PTPRZ1: variants seen among roughly 807,000 people sequenced by gnomAD.
PTPRZ1 encodes receptor-type tyrosine-protein phosphatase zeta.
A neutral mutation model predicts 214.1 loss-of-function variants in PTPRZ1; 82 were observed. The observed-to-expected ratio is 0.38, with a 90% confidence interval of 0.32 to 0.46. PTPRZ1 has a LOEUF of 0.46. Ranked by LOEUF, PTPRZ1 falls within the 20% of genes least tolerant of loss-of-function variation. PTPRZ1 has a pLI of 1.00. For missense variants in PTPRZ1, 2,603 were observed against 2,748.7 expected, an observed-to-expected ratio of 0.95 and a Z score of 1.19; for synonymous variants, 945 against 987.9, an observed-to-expected ratio of 0.96 and a Z score of 0.81.
intron 23 of PTPRZ1, among the ~76,000 whole-genome samples, chr7:122,050,849 C>G (rs1335844380): frequency 6.6e-6 from 1 of 152,068 alleles, no homozygotes; most frequent in South Asian, 2.1e-4. Context: ...AAAAATAAAA[C>G]ACTGAATAAC....
intron 11 of PTPRZ1, among the ~76,000 whole-genome samples, chr7:122,009,342 A>G (rs1273332386): frequency 6.6e-6 from 1 of 151,830 alleles, no homozygotes; most frequent in Non-Finnish European, 1.5e-5. Flanking sequence ...GTACTCAGTA[A>G]TTTTTTTCTT....
intron 10 of PTPRZ1, among the ~76,000 whole-genome samples, chr7:122,004,026 C>A (rs1798402919): frequency 6.6e-6 from 1 of 152,158 alleles, no homozygotes; most frequent in Non-Finnish European, 1.5e-5. Flanking sequence ...GACAGCAAGG[C>A]TGGAACCTGC....
intron 11 of PTPRZ1, among the ~76,000 whole-genome samples, chr7:122,006,998 G>A (rs1435524736): frequency 1.3e-5 from 2 of 152,010 alleles, no homozygotes; most frequent in Non-Finnish European, 2.9e-5. Flanking sequence ...ACCATCCTGT[G>A]GTGACCAGTT....
intron 1 of PTPRZ1, among the ~76,000 whole-genome samples, chr7:121,903,446 A>T (rs1795028012): frequency 6.6e-6 from 1 of 152,192 alleles, no homozygotes; most frequent in African/African-American, 2.4e-5. Context: ...AGATTTTTCC[A>T]CTTTGAATTG....
chr7:122,022,208 C>CA (rs1339268257), intron 13 of PTPRZ1, among the ~76,000 whole-genome samples: 1 of 152,118 alleles, frequency 6.6e-6, no homozygotes, highest in African/African-American at 2.4e-5. Flanking sequence ...TCATAAAACT[C>CA]ACCTTTTTAA....
intron 1 of PTPRZ1, among the ~76,000 whole-genome samples, chr7:121,881,250 A>C (rs1055940614): frequency 1.3e-5 from 2 of 152,222 alleles, no homozygotes; most frequent in African/African-American, 4.8e-5. Context: ...CCAGGAATCA[A>C]ATCTGCTGGC....
rs3736567 is a variant in PTPRZ1, at chr7:121,972,368, A to G, written c.305-173A>G. ...TAGTTTGCATTTGTGGCAATAAGAT[A>G]TAAGTATATTGTGCAGACCTACAAA... is the stretch of plus-strand genomic sequence containing the variant. On this transcript the variant is annotated intron_variant, in intron 3 of 29. Coordinates refer to ENST00000393386, the MANE Select transcript of PTPRZ1 (RefSeq NM_002851.3). Among the ~76,000 whole-genome samples, 5 of 152,278 alleles carry G rather than the reference A, an allele frequency of 3.3e-5. No homozygotes were observed. The East Asian group carries it at 7.7e-4, about 23-fold the overall frequency.
At chr7:122,060,012 A>C in intron 29 of PTPRZ1, 124 bp downstream of exon 29, 1 of 956,892 alleles carries the variant, frequency 1.0e-6, no homozygotes, top group Non-Finnish European at 1.5e-6. Context: ...TGTAGTTTTC[A>C]AGCTGAATTA....
chr7:121,980,009 G>T (rs1308085114), intron 6 of PTPRZ1, among the ~76,000 whole-genome samples: 3 of 151,590 alleles, frequency 2.0e-5, no homozygotes, highest in African/African-American at 7.3e-5. Flanking sequence ...CCACATTGGG[G>T]ATAGGGAGAG....
At chr7:121,969,068 T>C (rs773364401) in intron 3 of PTPRZ1, among the ~76,000 whole-genome samples, 1 of 149,932 alleles carries the variant, frequency 6.7e-6, no homozygotes, top group Non-Finnish European at 1.5e-5. Flanking sequence ...CAAAAACCCA[T>C]CTCTACTAAA....
intron 2 of PTPRZ1, among the ~76,000 whole-genome samples, chr7:121,932,076 A>T (rs1312090130): frequency 1.3e-5 from 2 of 152,152 alleles, no homozygotes; most frequent in Non-Finnish European, 2.9e-5. Flanking sequence ...ATATTTGAGG[A>T]TCCTAGGAAG....
At chr7:121,993,368 G>A (rs375038375) in intron 8 of PTPRZ1, among the ~76,000 whole-genome samples, 3 of 151,030 alleles carry the variant, frequency 2.0e-5, no homozygotes, top group Admixed American at 6.6e-5. Context: ...TGGCTAACAC[G>A]GTGACCATCC....
In PTPRZ1 at chr7:122,017,815, G is replaced by A. The variant is rs192357147; in HGVS notation, c.4844-1309G>A. On this transcript the variant is annotated intron_variant, in intron 12 of 29. Transcript: ENST00000393386. The stretch of plus-strand genomic sequence containing the variant: ...TTGAACTCCTGACCTCAAGTGATCC[G>A]CCTGCCTCAGCCTCTCAAAGTGCTG... Among the ~76,000 whole-genome samples the A allele has an allele frequency of 3.4e-4, 51 of 151,522 alleles. No homozygotes were observed. The East Asian group carries it at 8.8e-3, about 26-fold the overall frequency.
rs540152098 is a variant in PTPRZ1 at position 121,892,660 on chromosome 7, T to TA, written c.58+19104dup. 7.5e-4 allele frequency among the ~76,000 whole-genome samples: 106 copies of TA among 142,136 alleles called. No individual in the cohort carries two copies. In the East Asian group the frequency reaches 0.019, roughly 26 times the overall value. 93.2% of individuals were successfully genotyped at this position (142,136 alleles called of 152,430 possible). A position where few individuals can be genotyped will look rare whatever the true frequency, so the allele number is the denominator to read the frequency against. ...CAAAATCATTCTGCCTGATATATCT[T>TA]AGAGTTCTTCAAGCATCTCATATAT... On this transcript the variant is annotated intron_variant, in intron 1 of 29. Transcript: ENST00000393386.
intron 10 of PTPRZ1, among the ~76,000 whole-genome samples, chr7:121,999,591 G>A (rs1798260030): frequency 6.6e-6 from 1 of 152,082 alleles, no homozygotes; most frequent in South Asian, 2.1e-4. Flanking sequence ...GTTTAATTAT[G>A]CTACTCTAAT....
intron 13 of PTPRZ1, among the ~76,000 whole-genome samples, chr7:122,019,624 A>G (rs1044746670): frequency 6.9e-6 from 1 of 145,496 alleles, no homozygotes; most frequent in Non-Finnish European, 1.5e-5. Flanking sequence ...TTTTTATATA[A>G]TAACAAGTAT....
At chr7:121,880,681 C>T (rs371513477) in intron 1 of PTPRZ1, among the ~76,000 whole-genome samples, 2 of 152,152 alleles carry the variant, frequency 1.3e-5, no homozygotes, top group East Asian at 1.9e-4. Flanking sequence ...ATGCTTAGAA[C>T]ATGCTGGCCA....
At chr7:121,904,590 A>G (rs1219305080) in intron 1 of PTPRZ1, among the ~76,000 whole-genome samples, 1 of 152,134 alleles carries the variant, frequency 6.6e-6, no homozygotes, top group Non-Finnish European at 1.5e-5. Context: ...ATTTTTTGCC[A>G]TATTCATGAA....
At chr7:122,050,003 C>G (rs923837309) in intron 23 of PTPRZ1, among the ~76,000 whole-genome samples, 6 of 152,082 alleles carry the variant, frequency 3.9e-5, no homozygotes, top group Admixed American at 3.9e-4. Flanking sequence ...GCAGATTAAT[C>G]TATAAATAAC....
Sources: allele counts gnomAD v4.1 joint callset (sites outside exome capture counted in the v4.1 genomes callset), GRCh38; gene constraint gnomAD v4.1.1; transcripts MANE v1.5; gene names NCBI Gene and HGNC (gene_info 2026-07-23, HGNC 2026-07-21).